The following ASNS variants were observed in gnomAD, a reference collection of about 807,000 sequenced individuals.
ASNS encodes the protein asparagine synthetase (glutamine-hydrolyzing).
In ASNS, 37 loss-of-function variants were observed where a neutral mutation model predicts 62.6. That is an observed-to-expected ratio of 0.59 (90% CI 0.45 to 0.78). The LOEUF (loss-of-function observed/expected upper bound fraction) is 0.78. Among genes scored for constraint, ASNS ranks in the 30% least tolerant of loss-of-function variants. ASNS has a pLI of 0.00. For missense variants in ASNS, 520 were observed against 682.4 expected, an observed-to-expected ratio of 0.76 and a Z score of 2.65; for synonymous variants, 207 against 237.9, an observed-to-expected ratio of 0.87 and a Z score of 1.19.
chr7:97,921,118 C>T, the ASNS span, among the ~76,000 whole-genome samples: 2 of 152,184 alleles, frequency 1.3e-5, no homozygotes, highest in African/African-American at 4.8e-5. Context: ...GGAAACCCCA[C>T]TCAAAATCCT....
chr7:97,872,790 T>C (rs2115793129), upstream of ASNS, among the ~76,000 whole-genome samples: 1 of 152,342 alleles, frequency 6.6e-6, no homozygotes, highest in Non-Finnish European at 1.5e-5. Context: ...AGGCCTAAAA[T>C]GTCCTTATAA....
At chr7:97,883,987 C>CAAAAAA in the ASNS span, among the ~76,000 whole-genome samples, 1 of 104,390 alleles carries the variant, frequency 9.6e-6, no homozygotes, top group African/African-American at 3.8e-5. Flanking sequence ...GACTCCATCT[C>CAAAAAA]AAAAAAAAAA....
chr7:97,909,590 G>C, the ASNS span, among the ~76,000 whole-genome samples: 167 of 152,188 alleles, frequency 1.1e-3, no homozygotes, highest in African/African-American at 3.7e-3. Flanking sequence ...TTACAGGTGT[G>C]AGCCACCGTG....
chr7:97,875,232 G>C (rs1275773700), upstream of ASNS, among the ~76,000 whole-genome samples: 1 of 152,124 alleles, frequency 6.6e-6, no homozygotes, highest in East Asian at 1.9e-4. Flanking sequence ...TGCAACCTCT[G>C]CCTCCCAGAC....
chr7:97,909,323 A>G, the ASNS span, among the ~76,000 whole-genome samples: 1 of 50,328 alleles, frequency 2.0e-5, no homozygotes, highest in Non-Finnish European at 3.6e-5. Flanking sequence ...TTTTTTTTTG[A>G]GACAGAGTCT....
rs141068943 is a variant in ASNS at position 97,855,422 on chromosome 7, T to C, written c.1068A>G (p.Thr356=). 4 of 1,612,454 alleles carry C rather than the reference T, an allele frequency of 2.5e-6. No homozygotes were observed. The highest frequency in any genetic ancestry group is 3.4e-6 in the Non-Finnish European group (4 of 1,179,658). ...YLISKYIRKN[T]DSVVIFSGEG... is the part of the protein sequence containing the mutation. ...CTCCAGAGAAGATCACCACGCTATCTGTGTTCTTCCGAATATACTTGGAAA... is the reference window on the plus strand; with the variant it reads ...CTCCAGAGAAGATCACCACGCTATCCGTGTTCTTCCGAATATACTTGGAAA... Residue 356 remains threonine (T), a synonymous_variant, in exon 9 of 13, where the codon ACA becomes ACG. Coordinates refer to ENST00000394308, the MANE Select transcript of ASNS (RefSeq NM_001673.5).
At chr7:97,883,114 C>T in the ASNS span, among the ~76,000 whole-genome samples, 2 of 152,174 alleles carry the variant, frequency 1.3e-5, no homozygotes, top group African/African-American at 4.8e-5. Flanking sequence ...AGATTTAACT[C>T]CCTCACAGCA....
chr7:97,864,056 A>G (rs763214880), intron 4 of ASNS: 1 of 527,980 alleles, frequency 1.9e-6, no homozygotes, highest in East Asian at 3.1e-5. Context: ...CGACTGCACT[A>G]AAGAATCATC....
chr7:97,921,961 C>A, the ASNS span, among the ~76,000 whole-genome samples: 1 of 152,184 alleles, frequency 6.6e-6, no homozygotes, highest in South Asian at 2.1e-4. Flanking sequence ...AGAAGGAAAT[C>A]CTGCCATTTG....
intron 4 of ASNS, 40 bp from the exon 5 acceptor site, chr7:97,859,438 C>A (rs766874437): frequency 1.0e-5 from 16 of 1,530,982 alleles, no homozygotes; most frequent in Non-Finnish European, 1.3e-5. Context: ...AATTAGGTAA[C>A]CCTTCCCAAT....
the ASNS span, among the ~76,000 whole-genome samples, chr7:97,896,996 A>C: frequency 6.7e-6 from 1 of 149,314 alleles, no homozygotes; most frequent in African/African-American, 2.4e-5. Flanking sequence ...CTAGACCCTT[A>C]TCTCTCATCA....
the ASNS span, among the ~76,000 whole-genome samples, chr7:97,896,162 T>TCACAGAAACAGGAAAAA: frequency 1.3e-5 from 2 of 151,850 alleles, no homozygotes; most frequent in Admixed American, 1.3e-4. Flanking sequence ...TAATCCCTAT[T>TCACAGAAACAGGAAAAA]AATTATATTC....
At chr7:97,899,990 T>C in the ASNS span, among the ~76,000 whole-genome samples, 115 of 152,228 alleles carry the variant, frequency 7.6e-4, no homozygotes, top group African/African-American at 2.7e-3. Context: ...CTCAATGAAA[T>C]TCATCATCAG....
chr7:97,859,186 G>A (rs372117041), intron 5 of ASNS, 27 bp downstream of exon 5: 56 of 1,575,364 alleles, frequency 3.6e-5, no homozygotes, highest in Non-Finnish European at 4.6e-5. Context: ...GAGAAGGATG[G>A]GGAATAGGTG....
the ASNS span, among the ~76,000 whole-genome samples, chr7:97,899,650 T>C: frequency 1.3e-5 from 2 of 152,344 alleles, no homozygotes; most frequent in East Asian, 3.9e-4. Context: ...CTAATCGACT[T>C]CCTATTTCTA....
chr7:97,879,227 T>C, the ASNS span, among the ~76,000 whole-genome samples: 89 of 152,236 alleles, frequency 5.8e-4, no homozygotes, highest in African/African-American at 2.1e-3. Flanking sequence ...ATTCAGGACA[T>C]AGGCATGGGC....
chr7:97,899,692 T>C, the ASNS span, among the ~76,000 whole-genome samples: 6 of 152,236 alleles, frequency 3.9e-5, no homozygotes, highest in Non-Finnish European at 7.3e-5. Flanking sequence ...TCATGTAGAA[T>C]GTGATCTTTC....
At chr7:97,923,897 G>A in the ASNS span, among the ~76,000 whole-genome samples, 3 of 152,250 alleles carry the variant, frequency 2.0e-5, no homozygotes, top group Middle Eastern at 6.8e-3. Flanking sequence ...CAGCATCCCT[G>A]GCAGGGACCC....
intron 4 of ASNS, 79 bp downstream of exon 4, chr7:97,864,179 TA>T: frequency 7.5e-7 from 1 of 1,327,486 alleles, no homozygotes; most frequent in Non-Finnish European, 1.0e-6. Context: ...GATTGCTCTC[TA>T]AGAGATTTTC....
Sources: allele counts gnomAD v4.1 joint callset (sites outside exome capture counted in the v4.1 genomes callset), GRCh38; gene constraint gnomAD v4.1.1; transcripts MANE v1.5; gene names NCBI Gene and HGNC (gene_info 2026-07-23, HGNC 2026-07-21).